The following DOCK1 variants were observed in gnomAD, a reference collection of about 807,000 sequenced individuals.
DOCK1 encodes dedicator of cytokinesis 1, also known as dedicator of cytokinesis protein 1.
DOCK1 carries 138 observed loss-of-function variants against 262.7 expected under a neutral mutation model. The ratio of observed to expected loss-of-function variants is 0.53; its 90% confidence interval spans 0.46 to 0.61. The LOEUF (loss-of-function observed/expected upper bound fraction) is 0.61, where lower values mean the gene tolerates loss of function less well. Ranked by LOEUF, DOCK1 falls within the 20% of genes least tolerant of loss-of-function variation. The pLI, the probability that DOCK1 is intolerant of heterozygous loss-of-function variation, is 0.00. For missense variants in DOCK1, 1,908 were observed against 2,370.7 expected, an observed-to-expected ratio of 0.80 and a Z score of 4.05; for synonymous variants, 866 against 867.4, an observed-to-expected ratio of 1.00 and a Z score of 0.03.
At chr10:127,274,707 C>T (rs771829505) in intron 29 of DOCK1, among the ~76,000 whole-genome samples, 26 of 152,252 alleles carry the variant, frequency 1.7e-4, no homozygotes, top group Non-Finnish European at 3.2e-4. Flanking sequence ...GATAAAGAAG[C>T]GGGCTTGCGA....
intron 47 of DOCK1, among the ~76,000 whole-genome samples, chr10:127,426,472 A>G (rs80140872): frequency 1.3e-4 from 20 of 152,290 alleles, no homozygotes; most frequent in African/African-American, 4.6e-4. Context: ...GCCATCGAGG[A>G]AGAAGTGACC....
intron 23 of DOCK1, among the ~76,000 whole-genome samples, chr10:127,093,968 G>A (rs12267969): frequency 0.22 from 32,782 of 151,912 alleles, 5,026 homozygotes; most frequent in African/African-American, 0.44. Flanking sequence ...AGGATGAGAG[G>A]GTGCCAAACT....
At chr10:126,924,165 G>A (rs1488821321) in intron 1 of DOCK1, among the ~76,000 whole-genome samples, 35 of 151,624 alleles carry the variant, frequency 2.3e-4, no homozygotes, top group Admixed American at 2.3e-3. Flanking sequence ...TGAGCGGGGG[G>A]ACTTGAGTGC....
chr10:127,120,935 A>G (rs1344405722), intron 25 of DOCK1, among the ~76,000 whole-genome samples: 2 of 152,174 alleles, frequency 1.3e-5, no homozygotes, highest in African/African-American at 4.8e-5. Context: ...AAATACACAC[A>G]TCGTATCATT....
At chr10:127,310,416 G>A (rs1019545204) in intron 29 of DOCK1, among the ~76,000 whole-genome samples, 5 of 152,170 alleles carry the variant, frequency 3.3e-5, no homozygotes, top group African/African-American at 1.2e-4. Flanking sequence ...AATCACGGGA[G>A]GCCAAGGGCA....
chr10:127,227,610 G>T (rs937922866), intron 27 of DOCK1, among the ~76,000 whole-genome samples: 1 of 152,210 alleles, frequency 6.6e-6, no homozygotes, highest in Non-Finnish European at 1.5e-5. Context: ...TACCCCTTCT[G>T]CACCTGAAAG....
intron 26 of DOCK1, 99 bp downstream of exon 26, chr10:127,125,700 T>A: frequency 6.7e-7 from 1 of 1,499,506 alleles, no homozygotes; most frequent in Non-Finnish European, 8.9e-7. Context: ...AGGTCTTGAT[T>A]TTAAGGTCTA....
At chr10:127,306,196 G>T (rs1391794038) in intron 29 of DOCK1, among the ~76,000 whole-genome samples, 2 of 152,004 alleles carry the variant, frequency 1.3e-5, no homozygotes, top group Non-Finnish European at 2.9e-5. Flanking sequence ...TGTATTTTTA[G>T]TAGAGATGGG....
rs1481344953 is a variant in DOCK1, at chr10:127,024,751, G to C, written c.1519G>C (p.Val507Leu). Reference protein sequence around the residue: ...SEYKSVIYYQVKQPRWFETVK... With the variant: ...SEYKSVIYYQLKQPRWFETVK... ...GTACAAATCTGTGATTTACTACCAA[G>C]TAAAGCAGCCACGCTGGTTTGAGAC... The change falls in exon 15 of 52, where the codon GTA (valine) becomes CTA (leucine). Residue 507 changes from valine (V) to leucine (L), a missense_variant. Physicochemically the swap from Val to Leu is conservative, Grantham distance 32. Around this residue, in one of 9 missense-constraint regions of DOCK1, gnomAD observed 294 missense variants for 439.9 expected, o/e 0.67. Coordinates refer to ENST00000623213, the MANE Select transcript of DOCK1 (RefSeq NM_001290223.2). 1.2e-6 allele frequency: 2 copies of C among 1,612,148 alleles called. No individual in the cohort carries two copies. The highest frequency in any genetic ancestry group is 1.7e-6 in the Non-Finnish European group (2 of 1,179,182).
Position 126,970,720 on chromosome 10 carries a change from C to G in DOCK1, c.65C>G (p.Ala22Gly). 1 of 1,612,670 alleles carries G rather than the reference C, an allele frequency of 6.2e-7. No homozygotes were observed. ...ATCACAGCTTTTTATAACTATGATG[C>G]CAGAGGAGCGGATGAACTTTCTTTA... ...KYGVAFYNYD[A>G]RGADELSLQI... The change falls in exon 2 of 52, where the codon GCC becomes GGC. Residue 22 changes from alanine (A) to glycine (G), a missense_variant. Ala to Gly is a moderately conservative substitution (Grantham distance 60). Coordinates refer to ENST00000623213, the MANE Select transcript of DOCK1 (RefSeq NM_001290223.2).
intron 29 of DOCK1, among the ~76,000 whole-genome samples, chr10:127,321,781 A>T (rs1254765154): frequency 6.7e-6 from 1 of 148,582 alleles, no homozygotes; most frequent in Non-Finnish European, 1.5e-5. Flanking sequence ...TCCAGACATG[A>T]CCTGGATGCT....
At chr10:126,941,545 A>T (rs1273946503) in intron 1 of DOCK1, among the ~76,000 whole-genome samples, 1 of 152,274 alleles carries the variant, frequency 6.6e-6, no homozygotes, top group East Asian at 1.9e-4. Flanking sequence ...TCACGAGGTC[A>T]GGAGATCGAG....
At position 127,362,084 on chromosome 10, in the gene DOCK1, A is replaced by C; in HGVS notation, c.3304A>C (p.Ile1102Leu). Reference protein sequence around the residue: ...YNLGQHKIKFIPEMVGPILEM... With the variant: ...YNLGQHKIKFLPEMVGPILEM... ...CCAAGGTCAACACAAGATAAAGTTCATTCCAGAAATGGTGGGCCCAATATT... is the reference window on the plus strand; with the variant it reads ...CCAAGGTCAACACAAGATAAAGTTCCTTCCAGAAATGGTGGGCCCAATATT... Residue 1102 changes from isoleucine (I) to leucine (L), a missense_variant, in exon 33 of 52, where the codon ATT (isoleucine) becomes CTT (leucine). Ile to Leu is a conservative substitution (Grantham distance 5). Coordinates refer to ENST00000623213, the MANE Select transcript of DOCK1 (RefSeq NM_001290223.2). 1.2e-6 allele frequency: 2 copies of C among 1,611,320 alleles called. No homozygotes were observed. Among genetic ancestry groups the C allele is most frequent in the East Asian group, 2.2e-5 (1 of 44,860 alleles).
intron 27 of DOCK1, 74 bp from the exon 28 acceptor site, chr10:127,247,934 A>G (rs1159025084): frequency 7.0e-7 from 1 of 1,427,510 alleles, no homozygotes; most frequent in Non-Finnish European, 9.7e-7. Flanking sequence ...AAGTCCCAGA[A>G]TCTGGGATGA....
At position 126,974,512 on chromosome 10, in the gene DOCK1, G is replaced by A. The variant is rs370954388; in HGVS notation, c.131-3436G>A. 7.2e-4 allele frequency among the ~76,000 whole-genome samples: 109 copies of A among 152,214 alleles called. 2 individuals carry two copies. In the South Asian group the frequency reaches 0.02, roughly 28 times the overall value. ...TTTTTGGAGCAGGTTGGTTGACTAC[G>A]TGGAGGCCACTTGCAAGCCGTGCCA... On this transcript the variant is annotated intron_variant, in intron 2 of 51. Transcript: ENST00000623213.
chr10:127,273,878 CAA>C lies in DOCK1; in HGVS notation c.3044+16463_3044+16464del, dbSNP rs5788832. On this transcript the variant is annotated intron_variant, in intron 29 of 51. Coordinates refer to ENST00000623213, the MANE Select transcript of DOCK1 (RefSeq NM_001290223.2). ...GCCTGGGTTACAGAGGAGACTGTCTCAAAAAAAAAAAAAAATAGCTATTAGCC... is the reference window on the plus strand; with the variant it reads ...GCCTGGGTTACAGAGGAGACTGTCTCAAAAAAAAAAAAATAGCTATTAGCC... Among the ~76,000 whole-genome samples the C allele has an allele frequency of 1.1e-3, 149 of 136,872 alleles. 1 individual carries two copies. Among genetic ancestry groups the C allele is most frequent in the East Asian group, 9.8e-3 (47 of 4,778 alleles). 89.8% of individuals were successfully genotyped at this position (136,872 alleles called of 152,430 possible).
At chr10:127,047,535 G>A (rs977916909) in intron 21 of DOCK1, among the ~76,000 whole-genome samples, 1 of 152,084 alleles carries the variant, frequency 6.6e-6, no homozygotes, top group East Asian at 1.9e-4. Context: ...CTTAAAAATT[G>A]TTATAATTTG....
intron 1 of DOCK1, among the ~76,000 whole-genome samples, chr10:126,954,705 C>T (rs2036592278): frequency 6.6e-6 from 1 of 152,208 alleles, no homozygotes; most frequent in Non-Finnish European, 1.5e-5. Flanking sequence ...TTGTGACTGG[C>T]TTATTTCACT....
chr10:127,000,230 G>A lies in DOCK1; in HGVS notation c.908G>A (p.Arg303His), dbSNP rs758467730. The change falls in exon 10 of 52, where the codon CGC becomes CAC. Residue 303 changes from arginine (R) to histidine (H), a missense_variant. Physicochemically the swap from Arg to His is conservative, Grantham distance 29. Transcript: ENST00000623213. ...EKISFVCQIV[R>H]VGRMELRDNN... ...ATCAGTTTTGTCTGTCAGATTGTTC[G>A]CGTGGGTCGCATGGAGCTGAGGGAC... 11 of 1,613,866 alleles carry A rather than the reference G, an allele frequency of 6.8e-6. No homozygotes were observed. The highest frequency in any genetic ancestry group is 1.7e-5 in the Admixed American group (1 of 60,004).
Sources: gnomAD v4.1 joint callset for allele counts (sites outside exome capture counted in the v4.1 genomes callset) on GRCh38, gnomAD v4.1.1 for gene constraint, gnomAD v4.1.1 regional missense constraint, MANE v1.5 for transcripts, NCBI Gene and HGNC (gene_info 2026-07-23, HGNC 2026-07-21) for gene names.